PSMC3: variants seen among roughly 807,000 people sequenced by gnomAD.
The protein encoded by PSMC3 is 26S proteasome regulatory subunit 6A.
A neutral mutation model predicts 52.0 loss-of-function variants in PSMC3; 11 were observed. The ratio of observed to expected loss-of-function variants is 0.21; its 90% CI spans 0.13 to 0.35. PSMC3 has a LOEUF of 0.35. PSMC3 is among the 10% of genes least tolerant of loss of function. The probability of loss-of-function intolerance (pLI) is 1.00; values close to 1 mark genes in which losing one functional copy is unlikely to be tolerated. For synonymous variants in PSMC3, 201 were observed against 218.8 expected (o/e 0.92, Z 0.72); for missense variants, 238 against 567.1 (o/e 0.42, Z 5.89).
Position 47,420,650 on chromosome 11 carries a change from T to A in PSMC3, c.962A>T (p.Gln321Leu), listed in dbSNP as rs1293825290. Residue 321 changes from glutamine (Q) to leucine (L), a missense_variant, in exon 9 of 12, where the codon CAG becomes CTG. Physicochemically the swap from Gln to Leu is moderately radical, Grantham distance 113. Transcript: ENST00000298852. ...ACTCACCTTAACTTGGGTGTTGGGC[T>A]GGAAGCCATCCAGCTGGTTCAGAAG... is the stretch of plus-strand genomic sequence containing the variant. ...LELLNQLDGF[Q>L]PNTQVKVIAA... 6.4e-7 allele frequency: 1 copy of A among 1,552,868 alleles called. No homozygotes were observed.
chr11:47,419,071 G>A (rs1429046761), intron 11 of PSMC3, 45 bp downstream of exon 11: 1 of 1,611,254 alleles, frequency 6.2e-7, no homozygotes, highest in Admixed American at 1.7e-5. Flanking sequence ...CAGGGAGGGG[G>A]CAAGAAGGCA....
chr11:47,422,878 T>C lies in PSMC3; in HGVS notation c.687A>G (p.Pro229=), dbSNP rs550659438. ...PPKGVLMYGP[P]GTGKTLLARA... ...GGGCCAGGAGGGTCTTCCCCGTCCC[T>C]GGGGGCCCATACATCAGCACCCCTT... is the stretch of plus-strand genomic sequence containing the variant. The change falls in exon 7 of 12, where the codon CCA becomes CCG. Residue 229 remains proline (P), a synonymous_variant. Transcript: ENST00000298852. The surrounding 1 kb of genome is among the most constrained non-coding windows in gnomAD (Gnocchi z 4.3). The C allele has an allele frequency of 3.1e-6, 5 of 1,613,698 alleles. No homozygotes were observed. In the East Asian group the frequency reaches 8.9e-5, roughly 29 times the overall value.
intron 10 of PSMC3, among the ~76,000 whole-genome samples, chr11:47,419,729 G>C (rs2096037929): frequency 6.6e-6 from 1 of 152,006 alleles, no homozygotes; most frequent in Non-Finnish European, 1.5e-5. Flanking sequence ...CGTGGTGGCG[G>C]GCGCCTGTAG....
intron 10 of PSMC3, among the ~76,000 whole-genome samples, chr11:47,419,719 C>A (rs7120501): frequency 2.0e-5 from 3 of 151,700 alleles, no homozygotes; most frequent in South Asian, 2.1e-4. Flanking sequence ...ATTAGCCGGG[C>A]GTGGTGGCGG....
chr11:47,420,232 G>A (rs966468337), intron 10 of PSMC3, 32 bp downstream of exon 10: 2 of 1,611,074 alleles, frequency 1.2e-6, no homozygotes, highest in Admixed American at 3.3e-5. Flanking sequence ...CGCCTGTTCA[G>A]GTCTCTGTGC....
In PSMC3 at chr11:47,426,258, C is replaced by CA. The variant is rs1417296945; in HGVS notation, c.21dup (p.Glu8Ter). On this transcript the variant is annotated frameshift_variant, in exon 1 of 12. Coordinates refer to ENST00000298852, the MANE Select transcript of PSMC3 (RefSeq NM_002804.5). LOFTEE classifies it high-confidence loss of function. ...TTCTCCTGCCGAGTCACTGGACTCT[C>CA]AATATTCGGCAGCAGATTCATTTCC... 1.3e-6 allele frequency: 2 copies of CA among 1,555,762 alleles called. No individual in the cohort carries two copies. Among genetic ancestry groups the CA allele is most frequent in the African/African-American group, 1.4e-5 (1 of 73,492 alleles).
chr11:47,425,079 TC>T (rs1489559275), intron 3 of PSMC3, 41 bp downstream of exon 3: 1 of 1,613,174 alleles, frequency 6.2e-7, no homozygotes, highest in Admixed American at 1.7e-5. Context: ...CTGTCCCCAT[TC>T]CCTGCTGACT....
Position 47,422,863 on chromosome 11 carries a change from G to A in PSMC3, c.702C>T (p.Thr234=), listed in dbSNP as rs941164953. ...LMYGPPGTGK[T]LLARACAAQT... is the part of the protein sequence containing the mutation. ...GTGCGGCACAGGCCCGGGCCAGGAG[G>A]GTCTTCCCCGTCCCTGGGGGCCCAT... The change falls in exon 7 of 12, where the codon ACC becomes ACT. Residue 234 remains threonine, a synonymous_variant. Transcript: ENST00000298852. The surrounding 1 kb of genome is among the most constrained non-coding windows in gnomAD (Gnocchi z 4.3). 2 of 1,612,908 alleles carry A rather than the reference G, an allele frequency of 1.2e-6. No homozygotes were observed. The highest frequency in any genetic ancestry group is 1.1e-5 in the South Asian group (1 of 90,920).
At position 47,420,318 on chromosome 11, in the gene PSMC3, T is replaced by C. The variant is rs372425706; in HGVS notation, c.1073A>G (p.Asn358Ser). Residue 358 changes from asparagine to serine, a missense_variant, in exon 10 of 12, where the codon AAT becomes AGT. Physicochemically the swap from Asn to Ser is conservative, Grantham distance 46. Coordinates refer to ENST00000298852, the MANE Select transcript of PSMC3 (RefSeq NM_002804.5). ...LDRKIEFPMP[N>S]EEARARIMQI... ...CATGATTCTGGCCCGGGCCTCCTCA[T>C]TGGGCATCGGGAACTCTATCTTGCG... 1.3e-5 allele frequency: 21 copies of C among 1,614,034 alleles called. No individual in the cohort carries two copies. The highest frequency in any genetic ancestry group is 8.0e-5 in the African/African-American group (6 of 74,920).
intron 2 of PSMC3, 31 bp downstream of exon 2, chr11:47,425,836 T>C (rs2153304251): frequency 6.3e-7 from 1 of 1,593,074 alleles, no homozygotes; most frequent in Non-Finnish European, 8.6e-7. Context: ...CTGTGGGGGC[T>C]CCATCGCCCG....
intron 10 of PSMC3, among the ~76,000 whole-genome samples, chr11:47,419,802 T>G (rs939992185): frequency 6.7e-6 from 1 of 150,214 alleles, no homozygotes; most frequent in East Asian, 1.9e-4. Context: ...GAGCTTGCAG[T>G]GAGCCGAGAT....
At chr11:47,419,434 A>C (rs1178188557) in intron 10 of PSMC3, among the ~76,000 whole-genome samples, 1 of 152,168 alleles carries the variant, frequency 6.6e-6, no homozygotes, top group African/African-American at 2.4e-5. Context: ...GGCCTTCTAG[A>C]AATCTGCATC....
At chr11:47,426,012 C>T (rs746712259) in intron 1 of PSMC3, 62 bp from the exon 2 acceptor site, 2 of 1,516,362 alleles carry the variant, frequency 1.3e-6, no homozygotes, top group Non-Finnish European at 9.1e-7. Context: ...ATCCCTCGTT[C>T]TCCGAACCCA....
chr11:47,425,041 ACT>A, intron 3 of PSMC3, 78 bp downstream of exon 3: 2 of 1,587,668 alleles, frequency 1.3e-6, no homozygotes, highest in Non-Finnish European at 1.7e-6. Flanking sequence ...ACCTCCACCC[ACT>A]CTTTCCCTAG....
chr11:47,426,001 C>T (rs771532069), intron 1 of PSMC3, 51 bp from the exon 2 acceptor site: 4 of 1,550,296 alleles, frequency 2.6e-6, no homozygotes, highest in Non-Finnish European at 2.7e-6. Flanking sequence ...TCAGGACAAG[C>T]ATCCCTCGTT....
chr11:47,419,807 C>G (rs1336955310), intron 10 of PSMC3, among the ~76,000 whole-genome samples: 1 of 151,510 alleles, frequency 6.6e-6, no homozygotes, highest in Non-Finnish European at 1.5e-5. Flanking sequence ...TGCAGTGAGC[C>G]GAGATCGCGC....
chr11:47,425,202 G>T lies in PSMC3; in HGVS notation c.204C>A (p.Ala68=). 6.2e-7 allele frequency: 1 copy of T among 1,614,056 alleles called. No individual in the cohort carries two copies. Among genetic ancestry groups the T allele is most frequent in the Non-Finnish European group, 8.5e-7 (1 of 1,179,970 alleles). ...EVLRVTHELQ[A]MKDKIKENSE... is the part of the protein sequence containing the mutation. The stretch of plus-strand genomic sequence containing the variant: ...TGTTCTCTTTTATCTTGTCCTTCAT[G>T]GCTTGGAGCTCATGGGTGACTCTCA... Residue 68 remains alanine, a synonymous_variant, in exon 3 of 12, where the codon GCC becomes GCA. Coordinates refer to ENST00000298852, the MANE Select transcript of PSMC3 (RefSeq NM_002804.5).
chr11:47,425,635 G>A, intron 2 of PSMC3: 1 of 552,328 alleles, frequency 1.8e-6, no homozygotes, highest in Non-Finnish European at 3.2e-6. Flanking sequence ...AGTTCTCACT[G>A]GGAAAGGCAA....
intron 10 of PSMC3, among the ~76,000 whole-genome samples, chr11:47,419,833 TG>T (rs1191983489): frequency 4.7e-5 from 7 of 150,400 alleles, no homozygotes; most frequent in Admixed American, 2.0e-4. Flanking sequence ...TACTCCAGCC[TG>T]GGCGACAGAG....
Sources: allele counts gnomAD v4.1 joint callset (sites outside exome capture counted in the v4.1 genomes callset), GRCh38; gene constraint gnomAD v4.1.1; non-coding constraint Gnocchi (gnomAD v3.1); transcripts MANE v1.5; gene names NCBI Gene and HGNC (gene_info 2026-07-23, HGNC 2026-07-21).